FAM193A: variants seen among roughly 807,000 people sequenced by gnomAD.
FAM193A encodes the protein protein FAM193A.
Under a neutral mutation model 126.5 loss-of-function variants are expected in FAM193A, and 22 were observed. The ratio of observed to expected loss-of-function variants is 0.17; its 90% CI spans 0.12 to 0.25. FAM193A has a LOEUF of 0.25. FAM193A is among the 10% of genes least tolerant of loss of function. The pLI is 1.00. For missense variants in FAM193A, 1,675 were observed against 1,672.8 expected (o/e 1.00, Z -0.02); for synonymous variants, 761 against 646.8 (o/e 1.18, Z -2.68).
At position 2,685,297 on chromosome 4, in the gene FAM193A, T is replaced by C. The variant is rs116100149; in HGVS notation, c.2332-4209T>C. 9.9e-3 allele frequency among the ~76,000 whole-genome samples: 1,510 copies of C among 152,328 alleles called. 13 individuals carry two copies. Among genetic ancestry groups the C allele is most frequent in the Non-Finnish European group, 0.015 (1,018 of 68,030 alleles). On this transcript the variant is annotated intron_variant, in intron 13 of 20. Coordinates refer to ENST00000637812, the MANE Select transcript of FAM193A (RefSeq NM_001366318.2). ...CCAGGGTGTATCTTTACACTCCCTCTCTGGGTTACTTTGAGACTTAAGTAA... is the reference window on the plus strand; with the variant it reads ...CCAGGGTGTATCTTTACACTCCCTCCCTGGGTTACTTTGAGACTTAAGTAA...
At position 2,628,887 on chromosome 4, in the gene FAM193A, C is replaced by G. The variant is rs187240076; in HGVS notation, c.804-2048C>G. On this transcript the variant is annotated intron_variant, in intron 4 of 20. Coordinates refer to ENST00000637812, the MANE Select transcript of FAM193A (RefSeq NM_001366318.2). Reference sequence around the variant, plus strand: ...TTTTTTTTTGAGACGGAGTCTCGCTCTGTCACCCAGGGTGGAGTGCAGTGG... The same window carrying G: ...TTTTTTTTTGAGACGGAGTCTCGCTGTGTCACCCAGGGTGGAGTGCAGTGG... Among the ~76,000 whole-genome samples, 420 of 149,020 alleles carry G rather than the reference C, an allele frequency of 2.8e-3. 1 individual carries two copies. Among genetic ancestry groups the G allele is most frequent in the African/African-American group, 7.8e-3 (313 of 40,046 alleles).
chr4:2,670,485 C>T (rs1334660613), intron 12 of FAM193A, among the ~76,000 whole-genome samples: 1 of 152,014 alleles, frequency 6.6e-6, no homozygotes, highest in Non-Finnish European at 1.5e-5. Flanking sequence ...CAAGGTCTTG[C>T]TCTGCCACCC....
At position 2,669,641 on chromosome 4, in the gene FAM193A, T is replaced by C. The variant is rs889077220; in HGVS notation, c.2080-2480T>C. 4.6e-5 allele frequency among the ~76,000 whole-genome samples: 7 copies of C among 152,178 alleles called. 1 individual carries two copies. Among genetic ancestry groups the C allele is most frequent in the Non-Finnish European group, 8.8e-5 (6 of 68,034 alleles). ...ATAAATAAATAATAAATAGAGTGGT[T>C]GTTTTTAGGAATAGCTTTAGACTCA... On this transcript the variant is annotated intron_variant, in intron 12 of 20. Transcript: ENST00000637812.
intron 1 of FAM193A, among the ~76,000 whole-genome samples, chr4:2,569,196 C>T (rs1383553607): frequency 6.6e-6 from 1 of 151,882 alleles, no homozygotes; most frequent in East Asian, 1.9e-4. Context: ...ATCTCGAACT[C>T]GTGAGCTCAG....
chr4:2,630,241 G>A (rs1577100266), intron 4 of FAM193A, among the ~76,000 whole-genome samples: 1 of 150,988 alleles, frequency 6.6e-6, no homozygotes, highest in Non-Finnish European at 1.5e-5. Context: ...TTGTGGCTTA[G>A]TCATGTTGCA....
intron 4 of FAM193A, among the ~76,000 whole-genome samples, 162 bp downstream of exon 4, chr4:2,626,739 AG>A (rs1255164686): frequency 6.6e-6 from 1 of 152,186 alleles, no homozygotes; most frequent in Non-Finnish European, 1.5e-5. Flanking sequence ...GGCAAAAGTG[AG>A]CCCCCTAGGT....
Position 2,731,883 on chromosome 4 carries a change from G to A in FAM193A, c.*15G>A. On this transcript the variant is annotated 3_prime_UTR_variant, in exon 21 of 21. Coordinates refer to ENST00000637812, the MANE Select transcript of FAM193A (RefSeq NM_001366318.2). ...CTGCCCACTGAATGAGGACTCCCTG[G>A]AGAGGGACACGCGAGAGGCAGGCCA... 3.1e-6 allele frequency: 5 copies of A among 1,595,058 alleles called. No individual in the cohort carries two copies. Among genetic ancestry groups the A allele is most frequent in the Non-Finnish European group, 4.3e-6 (5 of 1,162,980 alleles).
chr4:2,685,813 G>A (rs1482072790), intron 13 of FAM193A, among the ~76,000 whole-genome samples: 3 of 152,226 alleles, frequency 2.0e-5, no homozygotes, highest in South Asian at 2.1e-4. Context: ...GATAAACTCA[G>A]TGTGTGCGCA....
rs1233507910 is a variant in FAM193A, at chr4:2,646,705, A to G, written c.1184A>G (p.Asp395Gly). 6.2e-7 allele frequency: 1 copy of G among 1,609,716 alleles called. No individual in the cohort carries two copies. Among genetic ancestry groups the G allele is most frequent in the Non-Finnish European group, 8.5e-7 (1 of 1,178,010 alleles). ...SQIRLGTTTHDTCSEDTYSTL... is the reference protein window; with the variant it reads ...SQIRLGTTTHGTCSEDTYSTL... ...CCTAGGCTAGGAACCACCACACACG[A>G]CACCTGCAGTGAGGACACATACAGT... The change falls in exon 7 of 21, where the codon GAC becomes GGC. Residue 395 changes from aspartate (D) to glycine (G), a missense_variant. Physicochemically the swap from Asp to Gly is moderately conservative, Grantham distance 94. Transcript: ENST00000637812.
chr4:2,559,946 T>C (rs908957939), intron 1 of FAM193A, among the ~76,000 whole-genome samples: 1 of 151,460 alleles, frequency 6.6e-6, no homozygotes, highest in Non-Finnish European at 1.5e-5. Context: ...TGCACGCTTT[T>C]CTTTTCTTTT....
At chr4:2,623,627 G>A (rs2857798) in intron 2 of FAM193A, among the ~76,000 whole-genome samples, 1 of 152,008 alleles carries the variant, frequency 6.6e-6, no homozygotes, top group Non-Finnish European at 1.5e-5. Context: ...CTCAGCAGCA[G>A]ACTGGGGTAG....
chr4:2,592,524 T>C (rs1297735646), intron 1 of FAM193A, among the ~76,000 whole-genome samples: 4 of 152,198 alleles, frequency 2.6e-5, no homozygotes, highest in African/African-American at 9.6e-5. Flanking sequence ...AGTAGTAGTT[T>C]TCCAACATTG....
intron 1 of FAM193A, among the ~76,000 whole-genome samples, chr4:2,576,533 C>T (rs1328953622): frequency 2.6e-5 from 4 of 152,172 alleles, no homozygotes; most frequent in Admixed American, 2.6e-4. Context: ...TGTGAATAGC[C>T]ACTGCACCCC....
At chr4:2,575,270 A>G (rs1234180901) in intron 1 of FAM193A, among the ~76,000 whole-genome samples, 2 of 152,192 alleles carry the variant, frequency 1.3e-5, no homozygotes, top group Non-Finnish European at 2.9e-5. Flanking sequence ...CATGTGCAAA[A>G]GTGTGGTACA....
At chr4:2,595,952 A>G (rs765543461) in intron 1 of FAM193A, 132 bp from the exon 2 acceptor site, 4 of 588,190 alleles carry the variant, frequency 6.8e-6, no homozygotes, top group East Asian at 2.8e-5. Flanking sequence ...GTTTTATTCA[A>G]TACATTTCCT....
At chr4:2,653,454 A>AT (rs968465724) in intron 7 of FAM193A, among the ~76,000 whole-genome samples, 29 of 151,128 alleles carry the variant, frequency 1.9e-4, no homozygotes, top group Non-Finnish European at 2.8e-4. Flanking sequence ...ATTTTTATTT[A>AT]TTTTTTTTTA....
intron 1 of FAM193A, among the ~76,000 whole-genome samples, chr4:2,575,945 C>T (rs141942352): frequency 6.5e-4 from 99 of 152,154 alleles, no homozygotes; most frequent in African/African-American, 2.2e-3. Flanking sequence ...TGGTCTCTGC[C>T]CTCAGGAGGC....
intron 1 of FAM193A, among the ~76,000 whole-genome samples, chr4:2,559,894 G>A (rs566661046): frequency 6.6e-6 from 1 of 152,190 alleles, no homozygotes; most frequent in East Asian, 1.9e-4. Flanking sequence ...TGCGGCCTGC[G>A]TGGCCTGATC....
At chr4:2,560,523 T>TC (rs1163889170) in intron 1 of FAM193A, among the ~76,000 whole-genome samples, 4 of 152,292 alleles carry the variant, frequency 2.6e-5, no homozygotes, top group African/African-American at 9.6e-5. Context: ...CTGCATTTCT[T>TC]CCCTCTTCAC....
Sources: allele counts gnomAD v4.1 joint callset (sites outside exome capture counted in the v4.1 genomes callset), GRCh38; gene constraint gnomAD v4.1.1; transcripts MANE v1.5; gene names NCBI Gene and HGNC (gene_info 2026-07-23, HGNC 2026-07-21).